Variants in PIWIL3 observed in about 807,000 individuals in gnomAD.
The protein encoded by PIWIL3 is piwi-like protein 3.
PIWIL3 carries 101 observed loss-of-function variants against 109.7 expected under a neutral mutation model. That is an observed-to-expected ratio of 0.92 (90% CI 0.78 to 1.09). The LOEUF is 1.09. Ranked by LOEUF, PIWIL3 falls within the 50% of genes least tolerant of loss-of-function variation. The pLI, the probability that PIWIL3 is intolerant of heterozygous loss-of-function variation, is 0.00. For synonymous variants in PIWIL3, 373 were observed against 376.4 expected (o/e 0.99, Z 0.10); for missense variants, 1,031 against 1,072.6 (o/e 0.96, Z 0.54).
chr22:24,756,523 A>C lies in PIWIL3; in HGVS notation c.538T>G (p.Ser180Ala), dbSNP rs1925041447. The C allele has an allele frequency of 6.2e-7, 1 of 1,614,092 alleles. No homozygotes were observed. The highest frequency in any genetic ancestry group is 2.2e-5 in the East Asian group (1 of 44,888). ...FGERHIFDGN[S>A]LLLSRPLKER... Reference sequence around the variant, plus strand: ...TTTAGTGGCCGAGATAATAATAAAGAGTTTCCATCAAATATATGGCGCTCT... The same window carrying C: ...TTTAGTGGCCGAGATAATAATAAAGCGTTTCCATCAAATATATGGCGCTCT... The change falls in exon 5 of 21, where the codon TCT becomes GCT. Residue 180 changes from serine to alanine, a missense_variant. Transcript: ENST00000616349.
At chr22:24,735,409 C>A (rs1601829883) in intron 13 of PIWIL3, among the ~76,000 whole-genome samples, 1 of 152,194 alleles carries the variant, frequency 6.6e-6, no homozygotes, top group East Asian at 1.9e-4. Context: ...TTGCTGTAAA[C>A]CTAAAACTTC....
Position 24,719,987 on chromosome 22 carries a change from G to T in PIWIL3, c.2358-92C>A, listed in dbSNP as rs1439824407. On this transcript the variant is annotated intron_variant, in intron 19 of 20. Coordinates refer to ENST00000616349, the MANE Select transcript of PIWIL3 (RefSeq NM_001255975.1). Reference sequence around the variant, plus strand: ...TGAAATGAAAACATTTAGTATAATTGCTTACAAAAATCTATTCTATAGATT... The same window carrying T: ...TGAAATGAAAACATTTAGTATAATTTCTTACAAAAATCTATTCTATAGATT... 3.5e-5 allele frequency: 39 copies of T among 1,113,850 alleles called. 1 individual carries two copies. The East Asian group carries it at 1.0e-3, about 29-fold the overall frequency. The allele number at this position is 1,113,850 out of a possible 1,614,324, so 69.0% of individuals were successfully genotyped here.
chr22:24,763,909 C>T (rs1419873611), intron 1 of PIWIL3, among the ~76,000 whole-genome samples: 1 of 152,218 alleles, frequency 6.6e-6, no homozygotes, highest in Non-Finnish European at 1.5e-5. Flanking sequence ...CGCTATGCAC[C>T]GGCGCTCTGT....
intron 1 of PIWIL3, among the ~76,000 whole-genome samples, chr22:24,768,189 C>A (rs1425901201): frequency 1.3e-5 from 2 of 151,982 alleles, no homozygotes; most frequent in Non-Finnish European, 2.9e-5. Context: ...CAAAAAGAAT[C>A]CTATATTTTG....
In PIWIL3 at chr22:24,728,039, C is replaced by T; in HGVS notation, c.1920G>A (p.Met640Ile). Residue 640 changes from methionine (M) to isoleucine (I), a missense_variant, in exon 16 of 21, where the codon ATG becomes ATA. Physicochemically the swap from Met to Ile is conservative, Grantham distance 10 (BLOSUM62 1). Coordinates refer to ENST00000616349, the MANE Select transcript of PIWIL3 (RefSeq NM_001255975.1). Reference sequence around the variant, plus strand: ...CGTGGAAACAATCAATGCCAACGAACATTGTTCTTTGTACCTTAAGTTTGT... The same window carrying T: ...CGTGGAAACAATCAATGCCAACGAATATTGTTCTTTGTACCTTAAGTTTGT... ...WKVETDVQRT[M>I]FVGIDCFHDI... 6.2e-7 allele frequency: 1 copy of T among 1,613,972 alleles called. No individual in the cohort carries two copies. The highest frequency in any genetic ancestry group is 8.5e-7 in the Non-Finnish European group (1 of 1,179,944).
chr22:24,771,159 C>A (rs1429135773), intron 1 of PIWIL3, among the ~76,000 whole-genome samples: 1 of 151,966 alleles, frequency 6.6e-6, no homozygotes, highest in Admixed American at 6.6e-5. Flanking sequence ...TAGCTGCTAA[C>A]ATTTAAAGAA....
intron 19 of PIWIL3, among the ~76,000 whole-genome samples, chr22:24,722,311 G>A (rs1179136443): frequency 3.9e-5 from 6 of 152,158 alleles, no homozygotes; most frequent in African/African-American, 1.4e-4. Context: ...CTCTATCTCT[G>A]GACCTCGTGA....
chr22:24,730,552 GAA>G (rs1279314774), intron 14 of PIWIL3, among the ~76,000 whole-genome samples: 1 of 152,068 alleles, frequency 6.6e-6, no homozygotes, highest in African/African-American at 2.4e-5. Context: ...TGGTGAAGGA[GAA>G]AAAGAATAAT....
chr22:24,755,003 A>G, intron 6 of PIWIL3, 139 bp from the exon 7 acceptor site: 1 of 660,384 alleles, frequency 1.5e-6, no homozygotes, highest in Non-Finnish European at 2.7e-6. Flanking sequence ...ACTAAGTTAC[A>G]TGATGAGGTG....
At chr22:24,766,963 A>G (rs199787909) in intron 1 of PIWIL3, among the ~76,000 whole-genome samples, 2 of 15,990 alleles carry the variant, frequency 1.3e-4, no homozygotes, top group East Asian at 3.7e-3. Flanking sequence ...CACCGTCTCT[A>G]AAAAAAAAAA....
chr22:24,746,000 G>A (rs1055048129), intron 12 of PIWIL3, among the ~76,000 whole-genome samples: 11 of 152,082 alleles, frequency 7.2e-5, no homozygotes, highest in African/African-American at 2.7e-4. Context: ...GGACCTGATC[G>A]CTTCACTGCT....
chr22:24,744,177 TTAAAAAA>T (rs1289830377), intron 12 of PIWIL3, among the ~76,000 whole-genome samples: 8 of 35,860 alleles, frequency 2.2e-4, no homozygotes, highest in Admixed American at 1.2e-3. Flanking sequence ...AGTGACCGAA[TTAAAAAA>T]AAAAAAAAAA....
rs543383681 is a variant in PIWIL3, at chr22:24,768,298, TG to T, written c.-22-5778del. On this transcript the variant is annotated intron_variant, in intron 1 of 20. Coordinates refer to ENST00000616349, the MANE Select transcript of PIWIL3 (RefSeq NM_001255975.1). ...TGGAGTCTTGCTCTGTTGCCCAGGC[TG>T]GAGTGAGTGCAGTGACACAATCTCG... 1.3e-4 allele frequency among the ~76,000 whole-genome samples: 19 copies of T among 151,994 alleles called. 1 individual carries two copies. In the South Asian group the frequency reaches 4.0e-3, roughly 32 times the overall value.
At chr22:24,741,013 A>G (rs67441610) in intron 12 of PIWIL3, among the ~76,000 whole-genome samples, 8,417 of 152,096 alleles carry the variant, frequency 0.055, 310 homozygotes, top group Middle Eastern at 0.12. Flanking sequence ...ATTCTCAACA[A>G]AATACTAGCT....
Position 24,759,953 on chromosome 22 carries a change from G to C in PIWIL3, c.139C>G (p.Pro47Ala). 6.2e-7 allele frequency: 1 copy of C among 1,614,124 alleles called. No homozygotes were observed. Among genetic ancestry groups the C allele is most frequent in the Non-Finnish European group, 8.5e-7 (1 of 1,180,020 alleles). ...EPPQLQSTPR[P>A]LQEEVPVVRP... The stretch of plus-strand genomic sequence containing the variant: ...ACCACTGGGACTTCCTCCTGCAGCG[G>C]CCGGGGTGTCGACTGCAACTGAGGG... The change falls in exon 3 of 21, where the codon CCG (proline) becomes GCG (alanine). Residue 47 changes from proline to alanine, a missense_variant. Physicochemically the swap from Pro to Ala is conservative, Grantham distance 27. Transcript: ENST00000616349.
chr22:24,728,115 A>G (rs1267658870), intron 15 of PIWIL3, 62 bp from the exon 16 acceptor site: 1 of 1,607,200 alleles, frequency 6.2e-7, no homozygotes, highest in Non-Finnish European at 8.5e-7. Flanking sequence ...AGCATTAACA[A>G]TTAAGAGAAT....
intron 12 of PIWIL3, among the ~76,000 whole-genome samples, chr22:24,737,108 G>T (rs899223933): frequency 6.6e-6 from 1 of 152,186 alleles, no homozygotes; most frequent in African/African-American, 2.4e-5. Context: ...CACCAGCCAG[G>T]GTAGCTAAGA....
chr22:24,763,149 T>C (rs1372416637), intron 1 of PIWIL3, among the ~76,000 whole-genome samples: 1 of 43,398 alleles, frequency 2.3e-5, no homozygotes, highest in Non-Finnish European at 5.0e-5. Flanking sequence ...CTTTTTTTTC[T>C]TTTTTTTTTT....
chr22:24,773,391 C>T (rs976756644), intron 1 of PIWIL3, among the ~76,000 whole-genome samples: 2 of 152,112 alleles, frequency 1.3e-5, no homozygotes, highest in Non-Finnish European at 2.9e-5. Context: ...GTGGAGGTCC[C>T]GGCAGGACCC....
Sources: allele counts gnomAD v4.1 joint callset (sites outside exome capture counted in the v4.1 genomes callset), GRCh38; gene constraint gnomAD v4.1.1; transcripts MANE v1.5; gene names NCBI Gene and HGNC (gene_info 2026-07-23, HGNC 2026-07-21).